Variants in VTI1A observed in about 807,000 individuals in gnomAD.
VTI1A encodes vesicle transport through interaction with t-SNAREs homolog 1A.
VTI1A carries 22 observed loss-of-function variants against 34.9 expected under a neutral mutation model. That is an observed-to-expected ratio of 0.63 (90% CI 0.45 to 0.90). The LOEUF is 0.90. Among genes scored for constraint, VTI1A ranks in the 40% least tolerant of loss-of-function variants. The probability of loss-of-function intolerance (pLI) is 0.00; values close to 1 mark genes in which losing one functional copy is unlikely to be tolerated. For missense variants in VTI1A, 268 were observed against 275.6 expected, an observed-to-expected ratio of 0.97 and a Z score of 0.20; for synonymous variants, 87 against 97.3, an observed-to-expected ratio of 0.89 and a Z score of 0.62.
At chr10:112,783,559 A>C (rs1236716566) in intron 7 of VTI1A, among the ~76,000 whole-genome samples, 1 of 152,248 alleles carries the variant, frequency 6.6e-6, no homozygotes, top group Non-Finnish European at 1.5e-5. Context: ...CAAACAATAA[A>C]AATTTATGCA....
intron 7 of VTI1A, among the ~76,000 whole-genome samples, chr10:112,717,267 C>T (rs1590108958): frequency 6.6e-6 from 1 of 152,222 alleles, no homozygotes; most frequent in East Asian, 1.9e-4. Context: ...TGTGCCCTTT[C>T]TATTGTTGAT....
intron 7 of VTI1A, chr10:112,736,993 C>T: frequency 1.7e-6 from 1 of 576,182 alleles, no homozygotes; most frequent in Non-Finnish European, 3.1e-6. Context: ...TGGTCCCTTC[C>T]CATCCCAGAG....
At chr10:112,447,501 G>A (rs748676863) in intron 1 of VTI1A, 34 bp downstream of exon 1, 2 of 1,606,334 alleles carry the variant, frequency 1.2e-6, no homozygotes, top group East Asian at 2.2e-5. Flanking sequence ...GAGGGTGCTG[G>A]GGAGAGCTGG....
chr10:112,565,494 C>T (rs897526235), intron 5 of VTI1A, among the ~76,000 whole-genome samples: 2 of 152,060 alleles, frequency 1.3e-5, no homozygotes, highest in Non-Finnish European at 2.9e-5. Flanking sequence ...TTGCAAATAG[C>T]AGGGAAAGTC....
chr10:112,481,609 C>T (rs529493423), intron 3 of VTI1A, among the ~76,000 whole-genome samples: 3 of 152,194 alleles, frequency 2.0e-5, no homozygotes, highest in South Asian at 4.2e-4. Context: ...TTTCTTCACC[C>T]TGTGAAGTCT....
At chr10:112,615,178 T>C (rs1056344189) in intron 5 of VTI1A, among the ~76,000 whole-genome samples, 1 of 152,188 alleles carries the variant, frequency 6.6e-6, no homozygotes, top group African/African-American at 2.4e-5. Context: ...AGATATATAT[T>C]AGCATTAAAT....
At chr10:112,455,839 C>G (rs938539789) in intron 1 of VTI1A, among the ~76,000 whole-genome samples, 3 of 152,060 alleles carry the variant, frequency 2.0e-5, no homozygotes, top group African/African-American at 7.2e-5. Context: ...AGAAAATGAT[C>G]TAATTGTGTT....
At chr10:112,790,129 G>A (rs547963620) in intron 7 of VTI1A, among the ~76,000 whole-genome samples, 90 of 152,196 alleles carry the variant, frequency 5.9e-4, no homozygotes, top group Non-Finnish European at 7.8e-4. Flanking sequence ...TTTTCCTCAA[G>A]TCTTATCTTT....
At chr10:112,725,429 G>A (rs561499746) in intron 7 of VTI1A, among the ~76,000 whole-genome samples, 2 of 152,272 alleles carry the variant, frequency 1.3e-5, no homozygotes, top group African/African-American at 4.8e-5. Flanking sequence ...CACATCAGGA[G>A]GCACATAACA....
chr10:112,660,841 A>G (rs1204128191), intron 5 of VTI1A, among the ~76,000 whole-genome samples: 6 of 152,222 alleles, frequency 3.9e-5, no homozygotes, highest in Admixed American at 2.6e-4. Context: ...GAGCCAGTCA[A>G]CAGAATACTT....
intron 7 of VTI1A, among the ~76,000 whole-genome samples, chr10:112,692,945 C>G (rs146634922): frequency 6.6e-6 from 1 of 152,278 alleles, no homozygotes; most frequent in African/African-American, 2.4e-5. Flanking sequence ...AAATCTGGTG[C>G]CTTGTGCATA....
chr10:112,621,504 T>C (rs1564852495), intron 5 of VTI1A, among the ~76,000 whole-genome samples: 1 of 152,162 alleles, frequency 6.6e-6, no homozygotes, highest in Non-Finnish European at 1.5e-5. Flanking sequence ...ATTGTCCCCA[T>C]TACTCAAATG....
intron 7 of VTI1A, among the ~76,000 whole-genome samples, chr10:112,684,399 C>T (rs1218800799): frequency 1.4e-5 from 2 of 148,120 alleles, no homozygotes; most frequent in African/African-American, 2.5e-5. Flanking sequence ...ATATTATTTG[C>T]TTAGTGTGGC....
chr10:112,690,154 A>G (rs1360454582), intron 7 of VTI1A, among the ~76,000 whole-genome samples: 4 of 152,266 alleles, frequency 2.6e-5, no homozygotes, highest in East Asian at 1.9e-4. Flanking sequence ...CAATTTATCT[A>G]TTCACCAGTA....
chr10:112,447,041 G>A (rs1846841373), upstream of VTI1A: 1 of 285,714 alleles, frequency 3.5e-6, no homozygotes, highest in African/African-American at 2.1e-5. Context: ...CCCAGAACAC[G>A]AAGGGGGGAA....
At chr10:112,820,789 C>T (rs575412994), downstream of VTI1A, among the ~76,000 whole-genome samples, 2 of 152,280 alleles carry the variant, frequency 1.3e-5, no homozygotes, top group South Asian at 4.1e-4. Context: ...GCCAGCTTAC[C>T]AGAGGCGAGC....
intron 7 of VTI1A, among the ~76,000 whole-genome samples, chr10:112,749,744 A>G (rs1043495699): frequency 2.0e-5 from 3 of 152,218 alleles, no homozygotes; most frequent in African/African-American, 4.8e-5. Flanking sequence ...AAACTTAGCT[A>G]TGCTCTAGTT....
chr10:112,850,592 G>A, the VTI1A span, among the ~76,000 whole-genome samples: 1 of 152,098 alleles, frequency 6.6e-6, no homozygotes, highest in Non-Finnish European at 1.5e-5. Flanking sequence ...TTAAGTTTCT[G>A]CAGAGCACCT....
intron 7 of VTI1A, among the ~76,000 whole-genome samples, chr10:112,692,164 T>C (rs1442012061): frequency 2.0e-5 from 3 of 152,226 alleles, no homozygotes; most frequent in Non-Finnish European, 4.4e-5. Flanking sequence ...CTCACCACCC[T>C]AGAGTGTAGA....
Sources: gnomAD v4.1 joint callset for allele counts (sites outside exome capture counted in the v4.1 genomes callset) on GRCh38, gnomAD v4.1.1 for gene constraint, MANE v1.5 for transcripts, NCBI Gene and HGNC (gene_info 2026-07-23, HGNC 2026-07-21) for gene names.